The following PPP2R3A variants were observed in gnomAD, a reference collection of about 807,000 sequenced individuals.
The protein encoded by PPP2R3A is serine/threonine-protein phosphatase 2A regulatory subunit B'' subunit alpha.
Under a neutral mutation model 106.9 loss-of-function variants are expected in PPP2R3A, and 80 were observed. The observed-to-expected ratio is 0.75, with a 90% CI of 0.62 to 0.90. The LOEUF is 0.90. Among genes scored for constraint, PPP2R3A ranks in the 40% least tolerant of loss-of-function variants. The pLI is 0.00. For synonymous variants in PPP2R3A, 483 were observed against 468.3 expected (o/e 1.03, Z -0.41); for missense variants, 1,386 against 1,350.4 (o/e 1.03, Z -0.41).
At chr3:135,977,246 T>C (rs1359142085) in intron 1 of PPP2R3A, among the ~76,000 whole-genome samples, 1 of 152,202 alleles carries the variant, frequency 6.6e-6, no homozygotes, top group Non-Finnish European at 1.5e-5. Context: ...CAAAGTTGTC[T>C]TGACTCTTCT....
At chr3:136,070,597 C>A in intron 6 of PPP2R3A, 45 bp downstream of exon 6, 3 of 1,471,210 alleles carry the variant, frequency 2.0e-6, no homozygotes, top group South Asian at 1.3e-5. Context: ...CATAAGTCAC[C>A]TTTTTATTAC....
At chr3:136,139,052 G>A (rs529121924) in intron 13 of PPP2R3A, among the ~76,000 whole-genome samples, 3 of 152,158 alleles carry the variant, frequency 2.0e-5, no homozygotes, top group Admixed American at 2.0e-4. Context: ...TAGGTACCAT[G>A]TGTCTTAGAT....
At chr3:136,020,995 T>C (rs184648972) in intron 2 of PPP2R3A, among the ~76,000 whole-genome samples, 84 of 152,166 alleles carry the variant, frequency 5.5e-4, no homozygotes, top group Non-Finnish European at 4.6e-4. Flanking sequence ...TGAAAGATGA[T>C]TAGAATGTAT....
chr3:136,002,333 A>T lies in PPP2R3A; in HGVS notation c.835A>T (p.Met279Leu), dbSNP rs979294900. The change falls in exon 2 of 14, where the codon ATG becomes TTG. Residue 279 changes from methionine (M) to leucine (L), a missense_variant. Transcript: ENST00000264977. The part of the protein sequence containing the change: ...DTISSSETVY[M>L]NVMTRLASYL... ...AATTTCTAGCTCTGAAACTGTCTAT[A>T]TGAATGTAATGACCAGGTTAGCATC... is the stretch of plus-strand genomic sequence containing the variant. 1.2e-6 allele frequency: 2 copies of T among 1,613,668 alleles called. No homozygotes were observed. The highest frequency in any genetic ancestry group is 8.5e-7 in the Non-Finnish European group (1 of 1,179,782).
intron 13 of PPP2R3A, among the ~76,000 whole-genome samples, chr3:136,134,270 C>T (rs1215429448): frequency 9.9e-5 from 15 of 152,252 alleles, no homozygotes; most frequent in Non-Finnish European, 1.5e-5. Context: ...GCATATTGCC[C>T]CAGTGTCCCT....
At position 136,003,530 on chromosome 3, in the gene PPP2R3A, A is replaced by T. The variant is rs1005208744; in HGVS notation, c.1995+37A>T. The T allele has an allele frequency of 4.6e-6, 7 of 1,506,722 alleles. No homozygotes were observed. In the African/African-American group the frequency reaches 7.0e-5, roughly 15 times the overall value. The allele number at this position is 1,506,722 out of a possible 1,614,324, so 93.3% of individuals were successfully genotyped here. A position where few individuals can be genotyped will look rare whatever the true frequency, so the allele number is the denominator to read the frequency against. ...CAATTTTGAGTCCTAGGAACTCTTT[A>T]AAAAATGTTTAGTGTTTGAAAATTT... On this transcript the variant is annotated intron_variant, in intron 2 of 13. Transcript: ENST00000264977.
rs34944830 is a variant in PPP2R3A at position 136,002,215 on chromosome 3, C to G, written c.717C>G (p.Cys239Trp). 1,305 of 1,613,452 alleles carry G rather than the reference C, an allele frequency of 8.1e-4. 1 individual carries two copies. Among genetic ancestry groups the G allele is most frequent in the Non-Finnish European group, 1.0e-3 (1,213 of 1,179,814 alleles). ...TGTGCTTGGACATCTTATTGAAATGCTCCGAGGATTTAAAAAAATGCACAG... is the reference window on the plus strand; with the variant it reads ...TGTGCTTGGACATCTTATTGAAATGGTCCGAGGATTTAAAAAAATGCACAG... ...IKMCLDILLKCSEDLKKCTDI... is the reference protein window; with the variant it reads ...IKMCLDILLKWSEDLKKCTDI... The change falls in exon 2 of 14, where the codon TGC becomes TGG. Residue 239 changes from cysteine (C) to tryptophan (W), a missense_variant. Coordinates refer to ENST00000264977, the MANE Select transcript of PPP2R3A (RefSeq NM_002718.5).
chr3:135,996,430 A>T (rs1303923406), intron 1 of PPP2R3A, among the ~76,000 whole-genome samples: 2 of 152,242 alleles, frequency 1.3e-5, no homozygotes, highest in African/African-American at 4.8e-5. Context: ...AAGAAGCCTG[A>T]TGAAAAAATA....
At chr3:136,085,885 G>A (rs574345199) in intron 8 of PPP2R3A, among the ~76,000 whole-genome samples, 7 of 151,628 alleles carry the variant, frequency 4.6e-5, no homozygotes, top group South Asian at 2.1e-4. Context: ...CCAAGAGTTC[G>A]AGACCAGCCT....
intron 3 of PPP2R3A, among the ~76,000 whole-genome samples, chr3:136,036,966 A>G (rs987386851): frequency 2.0e-5 from 3 of 152,222 alleles, no homozygotes; most frequent in Non-Finnish European, 4.4e-5. Flanking sequence ...TCCAGCACTT[A>G]CTGTTCATAT....
intron 13 of PPP2R3A, among the ~76,000 whole-genome samples, chr3:136,125,636 C>T (rs1938151409): frequency 6.6e-6 from 1 of 152,016 alleles, no homozygotes; most frequent in Non-Finnish European, 1.5e-5. Context: ...CGCTTGAGCC[C>T]AGGAGTTTGA....
At chr3:135,983,519 T>C (rs1937566638) in intron 1 of PPP2R3A, among the ~76,000 whole-genome samples, 1 of 152,244 alleles carries the variant, frequency 6.6e-6, no homozygotes, top group Non-Finnish European at 1.5e-5. Context: ...GTTTCTTCTT[T>C]TCAGTGCATT....
chr3:136,088,284 T>G (rs762012918), intron 9 of PPP2R3A, among the ~76,000 whole-genome samples: 2 of 152,172 alleles, frequency 1.3e-5, no homozygotes, highest in Admixed American at 6.5e-5. Flanking sequence ...CAGTGTCCAT[T>G]GTTCCCATCT....
intron 5 of PPP2R3A, among the ~76,000 whole-genome samples, chr3:136,056,285 A>C (rs11925256): frequency 0.013 from 1,989 of 152,308 alleles, 40 homozygotes; most frequent in African/African-American, 0.044. Context: ...CTGGAATAGA[A>C]AGAAGACATC....
chr3:136,044,409 C>T (rs918124947), intron 4 of PPP2R3A, among the ~76,000 whole-genome samples: 16 of 151,946 alleles, frequency 1.1e-4, no homozygotes, highest in South Asian at 6.2e-4. Flanking sequence ...CTGTAAGGAG[C>T]TTACAGTCTA....
intron 4 of PPP2R3A, 21 bp downstream of exon 4, chr3:136,040,983 T>A: frequency 6.3e-7 from 1 of 1,598,308 alleles, no homozygotes; most frequent in Non-Finnish European, 8.6e-7. Flanking sequence ...GAGCAGTCTC[T>A]CTGGAGCTAG....
chr3:136,055,176 TTATAAA>T (rs545761864), intron 5 of PPP2R3A: 16 of 753,216 alleles, frequency 2.1e-5, no homozygotes, highest in Middle Eastern at 4.2e-4. Context: ...GGATCTCCAG[TTATAAA>T]TATAGAAGAG....
chr3:136,032,865 A>C (rs538201405), intron 3 of PPP2R3A, among the ~76,000 whole-genome samples: 2 of 152,108 alleles, frequency 1.3e-5, no homozygotes, highest in Admixed American at 6.5e-5. Flanking sequence ...GGTGCCCTTT[A>C]TTTCTTTCTC....
At chr3:136,032,307 G>A (rs1307365596) in intron 3 of PPP2R3A, among the ~76,000 whole-genome samples, 3 of 151,892 alleles carry the variant, frequency 2.0e-5, no homozygotes, top group Non-Finnish European at 4.4e-5. Flanking sequence ...AAAAGGGGTC[G>A]AGTTCTTGAT....
Sources: gnomAD v4.1 joint callset for allele counts (sites outside exome capture counted in the v4.1 genomes callset) on GRCh38, gnomAD v4.1.1 for gene constraint, MANE v1.5 for transcripts, NCBI Gene and HGNC (gene_info 2026-07-23, HGNC 2026-07-21) for gene names.